UGCG: variants seen among roughly 807,000 people sequenced by gnomAD.
The protein encoded by UGCG is UDP-glucose ceramide glucosyltransferase.
A neutral mutation model predicts 49.5 loss-of-function variants in UGCG; 10 were observed. That is an observed-to-expected ratio of 0.20 (90% CI 0.12 to 0.34). The LOEUF is 0.34. Among genes scored for constraint, UGCG ranks in the 10% least tolerant of loss-of-function variants. The probability of loss-of-function intolerance (pLI) is 1.00; values close to 1 mark genes in which losing one functional copy is unlikely to be tolerated. For missense variants in UGCG, 312 were observed against 483.7 expected (o/e 0.65, Z 3.33); for synonymous variants, 182 against 158.2 (o/e 1.15, Z -1.13).
chr9:111,929,396 T>C, intron 5 of UGCG, 104 bp from the exon 6 acceptor site: 1 of 1,166,986 alleles, frequency 8.6e-7, no homozygotes. Flanking sequence ...AATAAGATAT[T>C]CACTCAATCA....
intron 2 of UGCG, among the ~76,000 whole-genome samples, chr9:111,917,162 C>T (rs1038189452): frequency 2.0e-5 from 3 of 152,152 alleles, no homozygotes; most frequent in African/African-American, 7.2e-5. Flanking sequence ...ATAGCATCTG[C>T]AGATTATTTT....
In UGCG at chr9:111,934,833, A is replaced by C. The variant is rs1838490478; in HGVS notation, c.*1836A>C. 6.6e-6 allele frequency: 1 copy of C among 151,848 alleles called. No homozygotes were observed. The highest frequency in any genetic ancestry group is 6.6e-5 in the Admixed American group (1 of 15,228). The allele number at this position is 151,848 out of a possible 1,614,324, so 9.4% of individuals were successfully genotyped here. On this transcript the variant is annotated 3_prime_UTR_variant, in exon 9 of 9. Transcript: ENST00000374279. ...TTCTGTGAATGGGTATTATTCCCTG[A>C]GGAAAGTTGCACAGTGAAAACCAGT...
chr9:111,926,315 T>C (rs3780515), intron 4 of UGCG, 69 bp from the exon 5 acceptor site: 14,387 of 891,222 alleles, frequency 0.016, 366 homozygotes, highest in East Asian at 0.057. Flanking sequence ...ATATATTTTA[T>C]ATTAATGGGC....
chr9:111,922,476 A>G (rs951023927), intron 2 of UGCG, among the ~76,000 whole-genome samples: 2 of 152,158 alleles, frequency 1.3e-5, no homozygotes, highest in African/African-American at 2.4e-5. Context: ...TTTTGATGTC[A>G]CTTTTTACTC....
chr9:111,908,835 T>G (rs1043478006), intron 1 of UGCG, among the ~76,000 whole-genome samples: 1 of 152,204 alleles, frequency 6.6e-6, no homozygotes, highest in African/African-American at 2.4e-5. Context: ...CCAGTAAAAC[T>G]TGTAAGACCC....
At chr9:111,898,088 A>G (rs1266565608) in intron 1 of UGCG, among the ~76,000 whole-genome samples, 1 of 150,800 alleles carries the variant, frequency 6.6e-6, no homozygotes, top group Non-Finnish European at 1.5e-5. Flanking sequence ...AGAAGGAAGG[A>G]GCAGATAAAA....
chr9:111,925,211 C>G (rs1336362817), intron 4 of UGCG, among the ~76,000 whole-genome samples: 1 of 152,072 alleles, frequency 6.6e-6, no homozygotes, highest in South Asian at 2.1e-4. Context: ...TAATGTGTTT[C>G]GGCTTGCGTA....
chr9:111,919,574 G>A (rs935555362), intron 2 of UGCG, among the ~76,000 whole-genome samples: 4 of 151,970 alleles, frequency 2.6e-5, no homozygotes, highest in Non-Finnish European at 4.4e-5. Context: ...GGCAGATCAC[G>A]AGGTCAGGAG....
chr9:111,931,415 T>C, intron 7 of UGCG, 58 bp downstream of exon 7: 1 of 1,532,408 alleles, frequency 6.5e-7, no homozygotes, highest in Non-Finnish European at 9.0e-7. Context: ...AGGGGGGTGG[T>C]AATTTTTACA....
At chr9:111,906,599 T>C (rs1344916115) in intron 1 of UGCG, among the ~76,000 whole-genome samples, 1 of 151,958 alleles carries the variant, frequency 6.6e-6, no homozygotes, top group African/African-American at 2.4e-5. Flanking sequence ...CTGGCTAATT[T>C]TTGTATTTTT....
chr9:111,909,989 A>G (rs1226923099), intron 1 of UGCG, among the ~76,000 whole-genome samples: 2 of 152,212 alleles, frequency 1.3e-5, no homozygotes, highest in Non-Finnish European at 2.9e-5. Context: ...AATTTCAGAT[A>G]TAGTACTTAA....
chr9:111,918,819 G>A (rs931486305), intron 2 of UGCG, among the ~76,000 whole-genome samples: 1 of 151,848 alleles, frequency 6.6e-6, no homozygotes, highest in African/African-American at 2.4e-5. Context: ...CAGCTACTCG[G>A]GAGGCTGAGG....
chr9:111,910,976 AC>A (rs1837986200), intron 1 of UGCG, among the ~76,000 whole-genome samples: 1 of 152,064 alleles, frequency 6.6e-6, no homozygotes, highest in Non-Finnish European at 1.5e-5. Context: ...CAAACTCCTG[AC>A]CTCAAGTGAT....
At chr9:111,918,775 A>AG (rs1270050558) in intron 2 of UGCG, among the ~76,000 whole-genome samples, 1 of 152,086 alleles carries the variant, frequency 6.6e-6, no homozygotes, top group Non-Finnish European at 1.5e-5. Flanking sequence ...CAAAAAAAAA[A>AG]TTAGCTGGGC....
intron 1 of UGCG, among the ~76,000 whole-genome samples, chr9:111,900,518 G>C (rs557983556): frequency 3.0e-4 from 45 of 151,862 alleles, no homozygotes; most frequent in Non-Finnish European, 5.7e-4. Flanking sequence ...TTTGATACAG[G>C]GTCTTGCTCT....
At chr9:111,930,717 C>T (rs1838411242) in intron 6 of UGCG, among the ~76,000 whole-genome samples, 1 of 152,194 alleles carries the variant, frequency 6.6e-6, no homozygotes, top group Non-Finnish European at 1.5e-5. Flanking sequence ...ATCCGCCCGC[C>T]TCAGCCTCCC....
At chr9:111,901,874 C>T (rs72756239) in intron 1 of UGCG, among the ~76,000 whole-genome samples, 18,432 of 152,136 alleles carry the variant, frequency 0.12, 1,571 homozygotes, top group East Asian at 0.34. Context: ...TGTGCCCCCT[C>T]GATTTTATAT....
In UGCG at chr9:111,914,486, AG is replaced by A. The variant is rs1389172642; in HGVS notation, c.99-118del. On this transcript the variant is annotated intron_variant, in intron 1 of 8. Transcript: ENST00000374279. Reference sequence around the variant, plus strand: ...TTCATGTTTAGATCCTCTTTTAGAAAGATGTCAAGTTTTAAAAATCTTAACT... The same window carrying A: ...TTCATGTTTAGATCCTCTTTTAGAAAATGTCAAGTTTTAAAAATCTTAACT... 17 of 1,031,300 alleles carry A rather than the reference AG, an allele frequency of 1.6e-5. No individual in the cohort carries two copies. In the African/African-American group the frequency reaches 2.6e-4, roughly 16 times the overall value. 63.9% of individuals were successfully genotyped at this position (1,031,300 alleles called of 1,614,324 possible).
intron 1 of UGCG, among the ~76,000 whole-genome samples, chr9:111,908,341 C>T (rs183223322): frequency 6.6e-4 from 100 of 152,312 alleles, no homozygotes; most frequent in Non-Finnish European, 1.3e-3. Flanking sequence ...AAAGATACAT[C>T]CTATGGGATT....
Sources: allele counts gnomAD v4.1 joint callset (sites outside exome capture counted in the v4.1 genomes callset), GRCh38; gene constraint gnomAD v4.1.1; transcripts MANE v1.5; gene names NCBI Gene and HGNC (gene_info 2026-07-23, HGNC 2026-07-21).